The following ZNG1F variants were observed in gnomAD, a reference collection of about 807,000 sequenced individuals.
ZNG1F encodes Zn regulated GTPase metalloprotein activator 1F.
At chr9:41,145,517 A>T in the ZNG1F span, 1 of 699,260 alleles carries the variant, frequency 1.4e-6, no homozygotes, top group African/African-American at 1.9e-5. Context: ...AGTTTTTTTA[A>T]AATTTCTTAA....
At chr9:41,165,001 C>G in the ZNG1F span, 22 of 1,587,362 alleles carry the variant, frequency 1.4e-5, 1 homozygote, top group Non-Finnish European at 1.8e-5. Flanking sequence ...CATTTTGTAC[C>G]TAAGTGTCGT....
At chr9:41,183,889 C>T in the ZNG1F span, among the ~76,000 whole-genome samples, 28 of 147,870 alleles carry the variant, frequency 1.9e-4, 2 homozygotes, top group African/African-American at 6.2e-4. Context: ...AAGACACATC[C>T]TAAACTGATA....
chr9:41,204,806 CAG>C, the ZNG1F span, among the ~76,000 whole-genome samples: 1 of 36,104 alleles, frequency 2.8e-5, no homozygotes, highest in Non-Finnish European at 9.1e-5. Flanking sequence ...ACAATATCCA[CAG>C]ATAAGCTTTA....
chr9:41,156,084 T>C, the ZNG1F span, among the ~76,000 whole-genome samples: 1 of 128,066 alleles, frequency 7.8e-6, no homozygotes, highest in African/African-American at 3.1e-5. Flanking sequence ...ATTTTCTATG[T>C]ATTTCATGCA....
chr9:41,144,427 G>A, the ZNG1F span, among the ~76,000 whole-genome samples: 5 of 123,822 alleles, frequency 4.0e-5, no homozygotes, highest in African/African-American at 1.5e-4. Flanking sequence ...CCAAGGACTT[G>A]TATTTCTCTC....
At chr9:41,164,709 G>A in the ZNG1F span, 1 of 202,880 alleles carries the variant, frequency 4.9e-6, no homozygotes, top group Non-Finnish European at 8.9e-6. Context: ...GTAAAGTTAG[G>A]GAAGACTGAC....
chr9:41,185,093 C>T, the ZNG1F span, among the ~76,000 whole-genome samples: 1 of 144,048 alleles, frequency 6.9e-6, no homozygotes, highest in Non-Finnish European at 1.5e-5. Flanking sequence ...ACAATTCATA[C>T]TTATGAAGAA....
At chr9:41,146,334 T>G in the ZNG1F span, among the ~76,000 whole-genome samples, 12 of 5,748 alleles carry the variant, frequency 2.1e-3, no homozygotes, top group African/African-American at 2.3e-3. Flanking sequence ...TTTCAAAAAA[T>G]CATATGCTTT....
At chr9:41,139,190 C>T in the ZNG1F span, among the ~76,000 whole-genome samples, 1 of 133,940 alleles carries the variant, frequency 7.5e-6, no homozygotes, top group Non-Finnish European at 1.6e-5. Context: ...GTACTCTCTC[C>T]CTTTTCCTAT....
chr9:41,132,643 C>A, the ZNG1F span: 13 of 596,566 alleles, frequency 2.2e-5, no homozygotes, highest in African/African-American at 2.5e-4. Context: ...TGTTATTTAT[C>A]ACAACCAAAA....
the ZNG1F span, among the ~76,000 whole-genome samples, chr9:41,155,233 C>A: frequency 3.4e-3 from 518 of 150,678 alleles, 9 homozygotes; most frequent in African/African-American, 0.011. Context: ...ACATTTATGC[C>A]ACCAAAAAAC....
At chr9:41,154,556 A>C in the ZNG1F span, among the ~76,000 whole-genome samples, 3 of 140,748 alleles carry the variant, frequency 2.1e-5, no homozygotes, top group Non-Finnish European at 3.1e-5. Flanking sequence ...AGTCAATCCT[A>C]AGCCAAAAGA....
chr9:41,173,573 AAAGT>A, the ZNG1F span, among the ~76,000 whole-genome samples: 1 of 143,492 alleles, frequency 7.0e-6, no homozygotes, highest in Non-Finnish European at 1.5e-5. Context: ...TCAGGTAAAT[AAAGT>A]AAGGGAGGAG....
chr9:41,150,113 G>A, the ZNG1F span, among the ~76,000 whole-genome samples: 1 of 70,400 alleles, frequency 1.4e-5, no homozygotes, highest in South Asian at 6.2e-4. Context: ...CAGTGGGTGC[G>A]TGCTCCATCC....
the ZNG1F span, among the ~76,000 whole-genome samples, chr9:41,148,072 A>AATTT: frequency 7.0e-6 from 1 of 143,308 alleles, no homozygotes; most frequent in Non-Finnish European, 1.5e-5. Context: ...ACCATTTTTA[A>AATTT]ATGAACAAAC....
the ZNG1F span, among the ~76,000 whole-genome samples, chr9:41,203,268 C>T: frequency 1.3e-5 from 2 of 152,174 alleles, no homozygotes; most frequent in Admixed American, 6.6e-5. Context: ...ATGTAAATGT[C>T]TTGTGTTTTC....
the ZNG1F span, among the ~76,000 whole-genome samples, chr9:41,163,766 TC>T: frequency 2.9e-5 from 1 of 34,102 alleles, no homozygotes; most frequent in Non-Finnish European, 6.1e-5. Flanking sequence ...CATGTAATAC[TC>T]AAAGCAAACT....
chr9:41,171,436 GA>G, the ZNG1F span, among the ~76,000 whole-genome samples: 1 of 61,586 alleles, frequency 1.6e-5, no homozygotes. Context: ...AAAGATTTGG[GA>G]AAAAAAAGCA....
the ZNG1F span, chr9:41,132,725 A>C: frequency 9.6e-7 from 1 of 1,045,548 alleles, no homozygotes; most frequent in Admixed American, 4.9e-5. Context: ...TCACAGTTTT[A>C]GTGGGAAAAG....
Sources: allele counts gnomAD v4.1 joint callset (sites outside exome capture counted in the v4.1 genomes callset), GRCh38; gene constraint gnomAD v4.1.1; transcripts MANE v1.5; gene names NCBI Gene and HGNC (gene_info 2026-07-23, HGNC 2026-07-21).